Variants in BMP5 observed in about 807,000 individuals in gnomAD.
BMP5 encodes bone morphogenetic protein 5.
BMP5 carries 23 observed loss-of-function variants against 46.6 expected under a neutral mutation model. The ratio of observed to expected loss-of-function variants is 0.49; its 90% CI spans 0.35 to 0.70. The LOEUF (loss-of-function observed/expected upper bound fraction) is 0.70. Ranked by LOEUF, BMP5 falls within the 30% of genes least tolerant of loss-of-function variation. The probability of loss-of-function intolerance (pLI) is 0.00; values close to 1 mark genes in which losing one functional copy is unlikely to be tolerated. For missense variants in BMP5, 545 were observed against 565.6 expected, an observed-to-expected ratio of 0.96 and a Z score of 0.37; for synonymous variants, 204 against 191.9, an observed-to-expected ratio of 1.06 and a Z score of -0.52.
intron 2 of BMP5, among the ~76,000 whole-genome samples, chr6:55,814,285 C>A (rs1414436584): frequency 6.6e-6 from 1 of 151,934 alleles, no homozygotes; most frequent in Non-Finnish European, 1.5e-5. Flanking sequence ...TAATAAAAAA[C>A]AATTTTTTGC....
chr6:55,790,353 T>C (rs1016320365), intron 3 of BMP5, among the ~76,000 whole-genome samples: 31 of 152,286 alleles, frequency 2.0e-4, no homozygotes, highest in African/African-American at 7.2e-4. Context: ...TGCCACGCAC[T>C]GAGGGTACAA....
chr6:55,844,481 A>G (rs1363246706), intron 1 of BMP5, among the ~76,000 whole-genome samples: 1 of 151,982 alleles, frequency 6.6e-6, no homozygotes, highest in African/African-American at 2.4e-5. Context: ...TTTTAATGTT[A>G]TATATTTAAC....
At chr6:55,802,834 T>A (rs534742096) in intron 2 of BMP5, among the ~76,000 whole-genome samples, 5 of 150,576 alleles carry the variant, frequency 3.3e-5, no homozygotes, top group African/African-American at 1.2e-4. Context: ...CCCATCTACC[T>A]CCCATCTAGT....
rs753483847 is a variant in BMP5 at position 55,874,658 on chromosome 6, G to C, written c.208C>G (p.Pro70Ala). Reference sequence around the variant, plus strand: ...GGTGCAGAGGACGCTTGTTTTCCAGGTGAAAATGGTCTGGGTCTGTGAGGC... The same window carrying C: ...GGTGCAGAGGACGCTTGTTTTCCAGCTGAAAATGGTCTGGGTCTGTGAGGC... ...GLPHRPRPFSPGKQASSAPLF... is the reference protein window; with the variant it reads ...GLPHRPRPFSAGKQASSAPLF... Residue 70 changes from proline to alanine, a missense_variant, in exon 1 of 7, where the codon CCT (proline) becomes GCT (alanine). By Grantham distance (27) the Pro-to-Ala change is conservative. Transcript: ENST00000370830. 1 of 1,613,572 alleles carries C rather than the reference G, an allele frequency of 6.2e-7. No individual in the cohort carries two copies. Among genetic ancestry groups the C allele is most frequent in the Non-Finnish European group, 8.5e-7 (1 of 1,179,716 alleles).
intron 1 of BMP5, among the ~76,000 whole-genome samples, chr6:55,840,321 A>C (rs1287459576): frequency 6.6e-6 from 1 of 151,982 alleles, no homozygotes; most frequent in East Asian, 1.9e-4. Context: ...AGAGTATTTT[A>C]TTTCTTCTTT....
intron 2 of BMP5, among the ~76,000 whole-genome samples, chr6:55,818,422 AAAG>A (rs1413286119): frequency 6.6e-6 from 1 of 152,122 alleles, no homozygotes; most frequent in Admixed American, 6.6e-5. Context: ...TTGCTTTTCT[AAAG>A]AATCAGAACA....
At chr6:55,799,790 C>A (rs1210764298) in intron 2 of BMP5, among the ~76,000 whole-genome samples, 4 of 152,218 alleles carry the variant, frequency 2.6e-5, no homozygotes, top group Non-Finnish European at 4.4e-5. Flanking sequence ...GAGATACAGA[C>A]ATGGCTTCTG....
At chr6:55,851,016 A>T (rs1056428201) in intron 1 of BMP5, among the ~76,000 whole-genome samples, 1 of 152,170 alleles carries the variant, frequency 6.6e-6, no homozygotes, top group African/African-American at 2.4e-5. Flanking sequence ...GATCTAACAG[A>T]CTGAATTTCT....
intron 3 of BMP5, among the ~76,000 whole-genome samples, chr6:55,780,329 A>G (rs898613404): frequency 1.1e-4 from 16 of 151,658 alleles, no homozygotes; most frequent in African/African-American, 3.9e-4. Context: ...TGGATAAGAA[A>G]CGTGCTTATG....
At chr6:55,851,363 G>A (rs1289093956) in intron 1 of BMP5, among the ~76,000 whole-genome samples, 1 of 152,062 alleles carries the variant, frequency 6.6e-6, no homozygotes, top group East Asian at 1.9e-4. Context: ...TGAGGAATAC[G>A]CTATGTATGT....
chr6:55,837,335 TTAGA>T (rs34459081), intron 1 of BMP5, among the ~76,000 whole-genome samples: 12,082 of 123,930 alleles, frequency 0.097, 518 homozygotes, highest in South Asian at 0.11. Flanking sequence ...TAAAACTAAT[TTAGA>T]TAGATAGATA....
chr6:55,818,243 G>A (rs1247618551), intron 2 of BMP5, among the ~76,000 whole-genome samples: 1 of 148,970 alleles, frequency 6.7e-6, no homozygotes, highest in Non-Finnish European at 1.5e-5. Flanking sequence ...CAGCATTAGT[G>A]TCTGGCTTTT....
At chr6:55,860,394 G>A (rs1471040356) in intron 1 of BMP5, among the ~76,000 whole-genome samples, 4 of 152,172 alleles carry the variant, frequency 2.6e-5, no homozygotes, top group African/African-American at 7.2e-5. Flanking sequence ...TATAATTATA[G>A]TTAAGCACAT....
intron 3 of BMP5, among the ~76,000 whole-genome samples, chr6:55,789,272 G>A (rs1775520252): frequency 6.6e-6 from 1 of 151,868 alleles, no homozygotes; most frequent in South Asian, 2.1e-4. Flanking sequence ...AACCGAAAAT[G>A]TCTGAAAACA....
chr6:55,870,997 C>T (rs1294873271), intron 1 of BMP5, among the ~76,000 whole-genome samples: 10 of 151,890 alleles, frequency 6.6e-5, no homozygotes. Context: ...CCTGTTTTTA[C>T]TTCCTCTAAA....
Position 55,759,046 on chromosome 6 carries a change from C to A in BMP5, c.1174G>T (p.Ala392Ser). The A allele has an allele frequency of 6.4e-7, 1 of 1,573,752 alleles. No individual in the cohort carries two copies. Among genetic ancestry groups the A allele is most frequent in the Non-Finnish European group, 8.6e-7 (1 of 1,157,644 alleles). The part of the protein sequence containing the change: ...CDGECSFPLN[A>S]HMNATNHAIV... ...GCGTGGTTGGTGGCATTCATATGGG[C>A]GTTAAGTGGAAAAGAACATTCTCCA... The change falls in exon 6 of 7, where the codon GCC becomes TCC. Residue 392 changes from alanine (A) to serine (S), a missense_variant. Coordinates refer to ENST00000370830, the MANE Select transcript of BMP5 (RefSeq NM_021073.4).
chr6:55,871,952 C>A (rs1020204885), intron 1 of BMP5, among the ~76,000 whole-genome samples: 1 of 151,682 alleles, frequency 6.6e-6, no homozygotes, highest in African/African-American at 2.4e-5. Context: ...AAAATCTAAT[C>A]CTTTTTAGTC....
intron 1 of BMP5, among the ~76,000 whole-genome samples, chr6:55,824,763 G>C (rs923789385): frequency 1.3e-5 from 2 of 151,836 alleles, no homozygotes; most frequent in Non-Finnish European, 2.9e-5. Flanking sequence ...TATTTAAAAG[G>C]AGACCACAGC....
At chr6:55,758,573 G>T (rs952803394) in intron 6 of BMP5, among the ~76,000 whole-genome samples, 4 of 151,846 alleles carry the variant, frequency 2.6e-5, no homozygotes, top group Non-Finnish European at 5.9e-5. Context: ...CTACATTGAA[G>T]AACTTTTATA....
Sources: allele counts gnomAD v4.1 joint callset (sites outside exome capture counted in the v4.1 genomes callset), GRCh38; gene constraint gnomAD v4.1.1; transcripts MANE v1.5; gene names NCBI Gene and HGNC (gene_info 2026-07-23, HGNC 2026-07-21).